Variants in ZMYM2 observed in about 807,000 individuals in gnomAD.
ZMYM2 encodes the protein zinc finger MYM-type containing 2.
Under a neutral mutation model 162.8 loss-of-function variants are expected in ZMYM2, and 56 were observed. That is an observed-to-expected ratio of 0.34 (90% CI 0.28 to 0.43). The LOEUF is 0.43. Ranked by LOEUF, ZMYM2 falls within the 20% of genes least tolerant of loss-of-function variation. The pLI is 1.00. For missense variants in ZMYM2, 1,275 were observed against 1,621.8 expected, an observed-to-expected ratio of 0.79 and a Z score of 3.67; for synonymous variants, 510 against 541.6, an observed-to-expected ratio of 0.94 and a Z score of 0.81.
chr13:19,998,829 G>A (rs1442110217), intron 3 of ZMYM2, among the ~76,000 whole-genome samples: 1 of 152,160 alleles, frequency 6.6e-6, no homozygotes, highest in Non-Finnish European at 1.5e-5. Flanking sequence ...CCAAGCTCTG[G>A]TTGTATTTTG....
chr13:20,026,081 A>G (rs1176804217), intron 7 of ZMYM2: 2 of 152,070 alleles, frequency 1.3e-5, no homozygotes, highest in African/African-American at 4.8e-5. Context: ...TTTTTATTTT[A>G]TTGTGGTTTA....
At chr13:19,919,154 C>G in the ZMYM2 span, among the ~76,000 whole-genome samples, 11 of 150,406 alleles carry the variant, frequency 7.3e-5, no homozygotes, top group African/African-American at 2.7e-4. Context: ...TTTCACTTAG[C>G]ATATGCCTTT....
the ZMYM2 span, among the ~76,000 whole-genome samples, chr13:19,897,249 CA>C: frequency 6.6e-6 from 1 of 151,982 alleles, no homozygotes; most frequent in Non-Finnish European, 1.5e-5. Flanking sequence ...CAACAAAAGG[CA>C]ATAGTACGTC....
At chr13:19,868,399 T>A in the ZMYM2 span, among the ~76,000 whole-genome samples, 5 of 152,210 alleles carry the variant, frequency 3.3e-5, no homozygotes. Flanking sequence ...TTTGATATGA[T>A]CTGAGTCATC....
intron 2 of ZMYM2, among the ~76,000 whole-genome samples, chr13:19,970,420 C>T (rs1409654844): frequency 6.6e-6 from 1 of 151,842 alleles, no homozygotes; most frequent in African/African-American, 2.4e-5. Flanking sequence ...AAATTAGGAC[C>T]AAAGACAAAG....
At chr13:20,028,466 T>G (rs1952778740) in intron 9 of ZMYM2, among the ~76,000 whole-genome samples, 1 of 152,188 alleles carries the variant, frequency 6.6e-6, no homozygotes, top group African/African-American at 2.4e-5. Context: ...ACTACCCTTT[T>G]CATTTAATTG....
intron 2 of ZMYM2, among the ~76,000 whole-genome samples, chr13:19,969,491 G>A (rs1956110785): frequency 6.6e-6 from 1 of 152,116 alleles, no homozygotes; most frequent in Non-Finnish European, 1.5e-5. Flanking sequence ...AGGAACTTGT[G>A]ATGAGAGTGC....
intron 6 of ZMYM2, among the ~76,000 whole-genome samples, chr13:20,015,712 C>T (rs1032190010): frequency 4.6e-5 from 7 of 151,856 alleles, no homozygotes; most frequent in Admixed American, 3.3e-4. Context: ...GTAAGTAGAC[C>T]CTTTGTTCAG....
chr13:19,945,754 C>T, the ZMYM2 span, among the ~76,000 whole-genome samples: 1 of 151,548 alleles, frequency 6.6e-6, no homozygotes, highest in Non-Finnish European at 1.5e-5. Context: ...ACCAGCCTGA[C>T]CAACATGGAG....
chr13:19,908,811 CAT>C, the ZMYM2 span, among the ~76,000 whole-genome samples: 2 of 152,180 alleles, frequency 1.3e-5, no homozygotes, highest in Admixed American at 6.5e-5. Flanking sequence ...TGTGATACCA[CAT>C]GTCATGTAGC....
chr13:19,981,309 A>C (rs1338045802), intron 2 of ZMYM2, among the ~76,000 whole-genome samples: 1 of 144,582 alleles, frequency 6.9e-6, no homozygotes. Context: ...AAACAAAAAA[A>C]AAAACAAAAA....
At chr13:20,033,249 T>C (rs1162956560) in intron 10 of ZMYM2, among the ~76,000 whole-genome samples, 1 of 152,064 alleles carries the variant, frequency 6.6e-6, no homozygotes, top group Non-Finnish European at 1.5e-5. Context: ...TGAGGTCCTT[T>C]TCACTGCATT....
At position 20,086,536 on chromosome 13, in the gene ZMYM2, T is replaced by G. The variant is rs2141085733; in HGVS notation, c.*522T>G. 4.7e-6 allele frequency: 1 copy of G among 213,240 alleles called. No homozygotes were observed. Among genetic ancestry groups the G allele is most frequent in the East Asian group, 6.9e-5 (1 of 14,406 alleles). The allele number at this position is 213,240 out of a possible 1,614,324, so 13.2% of individuals were successfully genotyped here. ...GGTTTTGTTTTGTTTGGTTTTACAT[T>G]TTAGTTACTGAAGCCTTACAAGGTT... On this transcript the variant is annotated 3_prime_UTR_variant, in exon 25 of 25. Coordinates refer to ENST00000610343, the MANE Select transcript of ZMYM2 (RefSeq NM_197968.4).
chr13:19,879,140 G>A, the ZMYM2 span, among the ~76,000 whole-genome samples: 1 of 152,060 alleles, frequency 6.6e-6, no homozygotes, highest in Non-Finnish European at 1.5e-5. Flanking sequence ...TTAAGTCTTT[G>A]ATTCATTTTG....
upstream of ZMYM2, among the ~76,000 whole-genome samples, chr13:19,955,644 T>C (rs557096178): frequency 2.0e-5 from 3 of 152,064 alleles, no homozygotes; most frequent in Non-Finnish European, 4.4e-5. Flanking sequence ...TTTTTTGAGA[T>C]GGAGTCTTGC....
At chr13:20,065,583 T>G (rs533801766) in intron 19 of ZMYM2, among the ~76,000 whole-genome samples, 1 of 152,138 alleles carries the variant, frequency 6.6e-6, no homozygotes, top group African/African-American at 2.4e-5. Context: ...GCGGGAAGAT[T>G]GGTGGAGCCC....
At chr13:19,939,900 C>T in the ZMYM2 span, among the ~76,000 whole-genome samples, 5 of 152,092 alleles carry the variant, frequency 3.3e-5, no homozygotes, top group African/African-American at 1.2e-4. Flanking sequence ...GGACTCAAGG[C>T]AGCATGATAT....
chr13:19,928,075 GGCTCGCTGCA>G, the ZMYM2 span, among the ~76,000 whole-genome samples: 1 of 152,068 alleles, frequency 6.6e-6, no homozygotes, highest in Non-Finnish European at 1.5e-5. Context: ...GCAAGATCAT[GGCTCGCTGCA>G]GCCTCGACTT....
At chr13:19,921,447 T>C in the ZMYM2 span, among the ~76,000 whole-genome samples, 1 of 152,162 alleles carries the variant, frequency 6.6e-6, no homozygotes, top group Non-Finnish European at 1.5e-5. Flanking sequence ...AACTTGTTTT[T>C]CTTTTTGTTT....
Sources: allele counts gnomAD v4.1 joint callset (sites outside exome capture counted in the v4.1 genomes callset), GRCh38; gene constraint gnomAD v4.1.1; transcripts MANE v1.5; gene names NCBI Gene and HGNC (gene_info 2026-07-23, HGNC 2026-07-21).